Variants in CLEC2D observed in about 807,000 individuals in gnomAD.
CLEC2D encodes the protein C-type lectin related f.
Under a neutral mutation model 20.0 loss-of-function variants are expected in CLEC2D, and 16 were observed. That is an observed-to-expected ratio of 0.80 (90% confidence interval 0.54 to 1.22). The LOEUF is 1.22. Among genes scored for constraint, CLEC2D ranks in the 50% most tolerant of loss-of-function variants. The pLI, the probability that CLEC2D is intolerant of heterozygous loss-of-function variation, is 0.00. For missense variants in CLEC2D, 207 were observed against 221.5 expected (o/e 0.93, Z 0.42); for synonymous variants, 77 against 71.1 (o/e 1.08, Z -0.42).
At chr12:9,673,544 C>A (rs1394659403) in intron 1 of CLEC2D, among the ~76,000 whole-genome samples, 2 of 152,250 alleles carry the variant, frequency 1.3e-5, no homozygotes, top group Non-Finnish European at 2.9e-5. Flanking sequence ...GGATCAAGGA[C>A]CCGCTTATGT....
intron 2 of CLEC2D, among the ~76,000 whole-genome samples, chr12:9,684,884 C>T (rs1007492764): frequency 6.6e-6 from 1 of 152,138 alleles, no homozygotes; most frequent in African/African-American, 2.4e-5. Flanking sequence ...CAGGATGATG[C>T]TGGTCTCATA....
chr12:9,678,141 G>A (rs1271968608), intron 1 of CLEC2D, among the ~76,000 whole-genome samples: 1 of 152,032 alleles, frequency 6.6e-6, no homozygotes, highest in South Asian at 2.1e-4. Context: ...TCTCTTGTTA[G>A]GTGCGTGCAC....
At chr12:9,678,550 T>C (rs1865570365) in intron 1 of CLEC2D, among the ~76,000 whole-genome samples, 1 of 152,276 alleles carries the variant, frequency 6.6e-6, no homozygotes, top group African/African-American at 2.4e-5. Context: ...TTCATTCTCT[T>C]CTTTTCAGAG....
At chr12:9,684,706 C>A (rs977865158) in intron 2 of CLEC2D, among the ~76,000 whole-genome samples, 7 of 152,128 alleles carry the variant, frequency 4.6e-5, no homozygotes, top group Admixed American at 3.3e-4. Context: ...TATATTGAAC[C>A]AGACTTTCAT....
intron 1 of CLEC2D, among the ~76,000 whole-genome samples, chr12:9,670,721 G>T (rs1182399211): frequency 6.6e-6 from 1 of 152,152 alleles, no homozygotes; most frequent in African/African-American, 2.4e-5. Flanking sequence ...TGATACTATT[G>T]TTTTAGCAAG....
At chr12:9,694,659 A>G in intron 4 of CLEC2D, 101 bp from the exon 5 acceptor site, 1 of 707,098 alleles carries the variant, frequency 1.4e-6, no homozygotes, top group Non-Finnish European at 2.6e-6. Context: ...CATTATTTTT[A>G]GAGGCTGAAT....
Position 9,679,868 on chromosome 12 carries a change from A to G in CLEC2D, c.62-1055A>G, listed in dbSNP as rs766707768. Among the ~76,000 whole-genome samples, 7 of 152,342 alleles carry G rather than the reference A, an allele frequency of 4.6e-5. No individual in the cohort carries two copies. The South Asian group carries it at 1.0e-3, about 23-fold the overall frequency. On this transcript the variant is annotated intron_variant, in intron 1 of 4. Transcript: ENST00000290855. Reference sequence around the variant, plus strand: ...GAGATTGTGTCAGAACAGGGTTCCAATAATGAACTTCATAAGAGGTTTTAG... The same window carrying G: ...GAGATTGTGTCAGAACAGGGTTCCAGTAATGAACTTCATAAGAGGTTTTAG...
At chr12:9,682,384 T>G (rs184606906) in intron 2 of CLEC2D, among the ~76,000 whole-genome samples, 25 of 152,296 alleles carry the variant, frequency 1.6e-4, no homozygotes, top group Non-Finnish European at 2.8e-4. Context: ...TTTTTTAAAT[T>G]ATACTTTAAG....
intron 1 of CLEC2D, among the ~76,000 whole-genome samples, chr12:9,673,677 G>GC (rs1454519935): frequency 6.6e-6 from 1 of 152,240 alleles, no homozygotes; most frequent in Non-Finnish European, 1.5e-5. Flanking sequence ...ACCTGAAACT[G>GC]CCTCTCCCCT....
At chr12:9,683,329 G>GATTATT (rs1865680407) in intron 2 of CLEC2D, among the ~76,000 whole-genome samples, 1 of 83,788 alleles carries the variant, frequency 1.2e-5, no homozygotes, top group Admixed American at 1.2e-4. Context: ...TTTGTTTTTT[G>GATTATT]TGTTTGTTTT....
rs1402138469 is a variant in CLEC2D at position 9,694,841 on chromosome 12, G to T, written c.543G>T (p.Lys181Asn). 12 of 1,610,376 alleles carry T rather than the reference G, an allele frequency of 7.5e-6. No individual in the cohort carries two copies. Among genetic ancestry groups the T allele is most frequent in the African/African-American group, 1.3e-5 (1 of 74,928 alleles). ...ASSARHYTER[K>N]WICSKSDIHV ...GTGCCAGGCACTACACAGAGAGGAA[G>T]TGGATTTGTTCCAAATCAGATATAC... The change falls in exon 5 of 5, where the codon AAG becomes AAT. Residue 181 changes from lysine (K) to asparagine (N), a missense_variant. Coordinates refer to ENST00000290855, the MANE Select transcript of CLEC2D (RefSeq NM_013269.6).
At chr12:9,692,996 T>G (rs1184388872) in intron 4 of CLEC2D, 65 bp downstream of exon 4, 2 of 1,599,470 alleles carry the variant, frequency 1.3e-6, no homozygotes, top group Non-Finnish European at 1.7e-6. Context: ...ATCTGAAGTG[T>G]TCTCTAGTTA....
chr12:9,682,299 C>T (rs746381038), intron 2 of CLEC2D, among the ~76,000 whole-genome samples: 5 of 152,088 alleles, frequency 3.3e-5, no homozygotes, highest in African/African-American at 9.6e-5. Context: ...CCATTTAAAT[C>T]GAGTTATTTA....
chr12:9,680,940 G>T lies in CLEC2D; in HGVS notation c.79G>T (p.Glu27Ter). ...PANPGCLHSK[E>*]HSIKATLIWR... ...TTTTCCAGGTTGTCTGCATTCAAAAGAGCATTCTATTAAAGCTACCTTAAT... is the reference window on the plus strand; with the variant it reads ...TTTTCCAGGTTGTCTGCATTCAAAATAGCATTCTATTAAAGCTACCTTAAT... Residue 27 changes from glutamate (E) to a stop codon, truncating the protein, a stop_gained, in exon 2 of 5, where the codon GAG (glutamate) becomes TAG (stop). Coordinates refer to ENST00000290855, the MANE Select transcript of CLEC2D (RefSeq NM_013269.6). LOFTEE classifies it high-confidence loss of function. The T allele has an allele frequency of 6.3e-7, 1 of 1,577,996 alleles. No individual in the cohort carries two copies.
intron 1 of CLEC2D, among the ~76,000 whole-genome samples, chr12:9,678,400 A>G (rs1321899922): frequency 6.6e-6 from 1 of 152,200 alleles, no homozygotes; most frequent in Non-Finnish European, 1.5e-5. Flanking sequence ...CAGACATCAT[A>G]TAGTTTAATC....
At chr12:9,676,458 A>G (rs1865522290) in intron 1 of CLEC2D, among the ~76,000 whole-genome samples, 1 of 152,120 alleles carries the variant, frequency 6.6e-6, no homozygotes, top group South Asian at 2.1e-4. Flanking sequence ...TTAGCTTGTT[A>G]ATGTTATGGA....
chr12:9,687,198 C>A (rs754076316), intron 2 of CLEC2D, among the ~76,000 whole-genome samples: 3 of 152,012 alleles, frequency 2.0e-5, no homozygotes, highest in Non-Finnish European at 4.4e-5. Flanking sequence ...TCAGTGGGAA[C>A]CCTGAGCTAG....
intron 3 of CLEC2D, 104 bp downstream of exon 3, chr12:9,688,190 A>ATTTTTT (rs71045286): frequency 4.8e-4 from 376 of 785,866 alleles, no homozygotes; most frequent in Middle Eastern, 1.7e-3. Context: ...TTTTACATTG[A>ATTTTTT]TTTTTTTTTT....
chr12:9,680,846 C>T (rs1865619733), intron 1 of CLEC2D, 77 bp from the exon 2 acceptor site: 2 of 717,782 alleles, frequency 2.8e-6, no homozygotes, highest in Non-Finnish European at 4.8e-6. Context: ...ATAAAAATAA[C>T]ATTTTGATGC....
Sources: gnomAD v4.1 joint callset for allele counts (sites outside exome capture counted in the v4.1 genomes callset) on GRCh38, gnomAD v4.1.1 for gene constraint, MANE v1.5 for transcripts, NCBI Gene and HGNC (gene_info 2026-07-23, HGNC 2026-07-21) for gene names.